The following BMPR2 variants were observed in gnomAD, a reference collection of about 807,000 sequenced individuals.
The protein encoded by BMPR2 is bone morphogenetic protein receptor type-2.
In BMPR2, 29 loss-of-function variants were observed where a neutral mutation model predicts 100.8. The observed-to-expected ratio is 0.29, with a 90% CI of 0.21 to 0.39. The LOEUF is 0.39. Ranked by LOEUF, BMPR2 falls within the 10% of genes least tolerant of loss-of-function variation. BMPR2 has a pLI of 1.00. For synonymous variants in BMPR2, 382 were observed against 442.3 expected, an observed-to-expected ratio of 0.86 and a Z score of 1.71; for missense variants, 1,011 against 1,274.5, an observed-to-expected ratio of 0.79 and a Z score of 3.15.
intron 1 of BMPR2, among the ~76,000 whole-genome samples, chr2:202,452,375 C>A (rs190949783): frequency 2.3e-4 from 35 of 152,268 alleles, no homozygotes; most frequent in African/African-American, 7.9e-4. Flanking sequence ...TTTTGTTGAT[C>A]ACCAATTTAT....
At chr2:202,528,176 G>C (rs928417804) in intron 7 of BMPR2, among the ~76,000 whole-genome samples, 14 of 152,120 alleles carry the variant, frequency 9.2e-5, no homozygotes, top group African/African-American at 3.1e-4. Context: ...AACAGAACGA[G>C]ACCCTGTTTT....
At chr2:202,400,695 A>G (rs1690754679) in intron 1 of BMPR2, among the ~76,000 whole-genome samples, 3 of 152,162 alleles carry the variant, frequency 2.0e-5, no homozygotes. Flanking sequence ...TGATTTTCAT[A>G]ACAAATTATA....
At chr2:202,509,638 G>A (rs1421547429) in intron 3 of BMPR2, among the ~76,000 whole-genome samples, 1 of 151,468 alleles carries the variant, frequency 6.6e-6, no homozygotes, top group Non-Finnish European at 1.5e-5. Context: ...TGGTTTTTCA[G>A]GTTTTTCCAA....
chr2:202,413,114 A>G (rs923537931), intron 1 of BMPR2, among the ~76,000 whole-genome samples: 2 of 152,236 alleles, frequency 1.3e-5, no homozygotes, highest in African/African-American at 4.8e-5. Context: ...AGCTGAGGTC[A>G]AACAAGGCCA....
chr2:202,413,281 A>G (rs948270550), intron 1 of BMPR2, among the ~76,000 whole-genome samples: 10 of 152,180 alleles, frequency 6.6e-5, no homozygotes, highest in African/African-American at 2.4e-4. Flanking sequence ...CTGGTGTTCT[A>G]AGTGCAAGAA....
At chr2:202,423,524 G>C (rs1691313727) in intron 1 of BMPR2, among the ~76,000 whole-genome samples, 2 of 152,144 alleles carry the variant, frequency 1.3e-5, no homozygotes, top group Admixed American at 1.3e-4. Context: ...GATGGGGTGG[G>C]AGGATTGCTT....
Position 202,527,719 on chromosome 2 carries a change from G to A in BMPR2, c.968-3075G>A, listed in dbSNP as rs534340017. ...GGAGAATGGCGTGAACCCGGGAAGC[G>A]GAGCTTGCAGTGAGCCGACATTGCG... On this transcript the variant is annotated intron_variant, in intron 7 of 12. Transcript: ENST00000374580. Among the ~76,000 whole-genome samples, 1,477 of 151,698 alleles carry A rather than the reference G, an allele frequency of 9.7e-3. 5 individuals are homozygous for A. Among genetic ancestry groups the A allele is most frequent in the Non-Finnish European group, 0.017 (1,187 of 67,904 alleles).
In BMPR2 at chr2:202,532,216, C is replaced by T. The variant is rs1191350564; in HGVS notation, c.1129-369C>T. On this transcript the variant is annotated intron_variant, in intron 8 of 12. Coordinates refer to ENST00000374580, the MANE Select transcript of BMPR2 (RefSeq NM_001204.7). This position sits in a 1 kb window ranked among gnomAD's most constrained non-coding sequence, Gnocchi z 4.1. ...TTGGCCTCCCAAAGTGCTAGGATTA[C>T]AGGCATGAGCCACTGCACCCGGCCA... Among the ~76,000 whole-genome samples, 2 of 152,006 alleles carry T rather than the reference C, an allele frequency of 1.3e-5. No individual in the cohort carries two copies. Among genetic ancestry groups the T allele is most frequent in the African/African-American group, 2.4e-5 (1 of 41,392 alleles).
chr2:202,514,842 AT>A, intron 4 of BMPR2, 45 bp from the exon 5 acceptor site: 2 of 1,456,770 alleles, frequency 1.4e-6, no homozygotes, highest in Non-Finnish European at 1.9e-6. Context: ...AAAGATATTC[AT>A]TTTAAGAAAA....
chr2:202,522,295 C>T (rs530222067), intron 7 of BMPR2, among the ~76,000 whole-genome samples: 22 of 152,244 alleles, frequency 1.4e-4, no homozygotes, highest in Admixed American at 4.6e-4. Context: ...ATCACAAGGT[C>T]AGGAGTTTGA....
At chr2:202,431,799 A>G (rs1025822732) in intron 1 of BMPR2, among the ~76,000 whole-genome samples, 1 of 150,542 alleles carries the variant, frequency 6.6e-6, no homozygotes, top group Non-Finnish European at 1.5e-5. Context: ...CAATAACAAA[A>G]TCTCCTAACA....
At chr2:202,542,063 A>C (rs1023700754) in intron 9 of BMPR2, among the ~76,000 whole-genome samples, 2 of 151,936 alleles carry the variant, frequency 1.3e-5, no homozygotes, top group Non-Finnish European at 2.9e-5. Flanking sequence ...GTGAGCCGAG[A>C]TCATGCCACT....
intron 3 of BMPR2, among the ~76,000 whole-genome samples, chr2:202,506,898 C>T (rs1687529302): frequency 6.6e-6 from 1 of 151,584 alleles, no homozygotes; most frequent in Non-Finnish European, 1.5e-5. Flanking sequence ...GAAACTCTGT[C>T]TCAAAAAACA....
At chr2:202,438,760 T>C (rs1238180482) in intron 1 of BMPR2, among the ~76,000 whole-genome samples, 4 of 150,664 alleles carry the variant, frequency 2.7e-5, no homozygotes, top group Non-Finnish European at 5.9e-5. Context: ...TTGTCAAAAA[T>C]CAGTTCACCA....
chr2:202,426,059 G>C (rs13384734), intron 1 of BMPR2, among the ~76,000 whole-genome samples: 7,496 of 152,240 alleles, frequency 0.049, 615 homozygotes, highest in African/African-American at 0.17. Context: ...ATACATACTT[G>C]AAAAGATGCA....
chr2:202,377,573 T>C, intron 1 of BMPR2, 23 bp downstream of exon 1: 1 of 1,613,234 alleles, frequency 6.2e-7, no homozygotes, highest in Non-Finnish European at 8.5e-7. Context: ...GGCCGGCACG[T>C]CCCGGCCACT....
chr2:202,451,083 C>T (rs1691969026), intron 1 of BMPR2, among the ~76,000 whole-genome samples: 1 of 152,138 alleles, frequency 6.6e-6, no homozygotes, highest in African/African-American at 2.4e-5. Flanking sequence ...GACATTTAGA[C>T]TTCTCCAGTA....
intron 10 of BMPR2, among the ~76,000 whole-genome samples, chr2:202,548,919 C>A (rs2106037873): frequency 6.6e-6 from 1 of 152,210 alleles, no homozygotes; most frequent in Non-Finnish European, 1.5e-5. Context: ...TTAAAGTGTA[C>A]ATTTAGGTGT....
chr2:202,475,225 A>AT (rs1692522051), intron 3 of BMPR2: 1 of 151,236 alleles, frequency 6.6e-6, no homozygotes, highest in Non-Finnish European at 1.5e-5. Context: ...TTGTATTTGT[A>AT]TTTTTAGTAG....
Sources: allele counts gnomAD v4.1 joint callset (sites outside exome capture counted in the v4.1 genomes callset), GRCh38; gene constraint gnomAD v4.1.1; non-coding constraint Gnocchi (gnomAD v3.1); transcripts MANE v1.5; gene names NCBI Gene and HGNC (gene_info 2026-07-23, HGNC 2026-07-21).